Variants in SKI observed in about 807,000 individuals in gnomAD.
SKI encodes ski oncogene.
In SKI, 23 loss-of-function variants were observed where a neutral mutation model predicts 59.3. That is an observed-to-expected ratio of 0.39 (90% CI 0.28 to 0.55). The LOEUF (loss-of-function observed/expected upper bound fraction) is 0.55, where lower values mean the gene tolerates loss of function less well. Among genes scored for constraint, SKI ranks in the 20% least tolerant of loss-of-function variants. The pLI is 0.67. For synonymous variants in SKI, 673 were observed against 488.6 expected (o/e 1.38, Z -4.98); for missense variants, 1,017 against 1,038.9 (o/e 0.98, Z 0.29).
chr1:2,237,951 G>A (rs970757219), intron 1 of SKI, among the ~76,000 whole-genome samples: 2 of 152,220 alleles, frequency 1.3e-5, no homozygotes, highest in African/African-American at 2.4e-5. Flanking sequence ...AACGGGCCTT[G>A]AGAGGCTGAT....
At chr1:2,251,537 C>G (rs772950274) in intron 1 of SKI, among the ~76,000 whole-genome samples, 2 of 152,210 alleles carry the variant, frequency 1.3e-5, no homozygotes, top group Non-Finnish European at 2.9e-5. Flanking sequence ...GTCCTGGTCC[C>G]CAGGTCGTGT....
chr1:2,233,287 T>G, intron 1 of SKI, among the ~76,000 whole-genome samples: 1 of 138,026 alleles, frequency 7.2e-6, no homozygotes, highest in South Asian at 2.5e-4. Flanking sequence ...GGGGCCAGGG[T>G]CCTGTTCTGG....
intron 1 of SKI, among the ~76,000 whole-genome samples, chr1:2,280,305 G>A (rs189025069): frequency 1.3e-5 from 2 of 151,984 alleles, no homozygotes; most frequent in Admixed American, 6.5e-5. Context: ...GACCCCGGGA[G>A]GCGGAGGTTG....
intron 1 of SKI, among the ~76,000 whole-genome samples, chr1:2,235,734 G>A (rs562398643): frequency 6.6e-6 from 1 of 152,336 alleles, no homozygotes; most frequent in African/African-American, 2.4e-5. Flanking sequence ...CAGGACTTGA[G>A]TGTGAATTTT....
chr1:2,261,130 G>A (rs1185309273), intron 1 of SKI, among the ~76,000 whole-genome samples: 3 of 152,194 alleles, frequency 2.0e-5, no homozygotes, highest in Non-Finnish European at 2.9e-5. Context: ...TGTGTATTCA[G>A]TTGATCCACT....
intron 1 of SKI, among the ~76,000 whole-genome samples, chr1:2,294,098 G>C (rs1031432807): frequency 4.6e-5 from 7 of 152,170 alleles, no homozygotes; most frequent in African/African-American, 1.7e-4. Context: ...GAGGGTCTCG[G>C]GGTGGTCCTG....
At chr1:2,275,734 G>A (rs1405970957) in intron 1 of SKI, among the ~76,000 whole-genome samples, 2 of 152,226 alleles carry the variant, frequency 1.3e-5, no homozygotes, top group South Asian at 4.1e-4. Flanking sequence ...GGATGCTCTC[G>A]ATCTCCTGAC....
At position 2,229,597 on chromosome 1, in the gene SKI, C is replaced by G. The variant is rs767136197; in HGVS notation, c.831C>G (p.Asp277Glu). 1.2e-6 allele frequency: 2 copies of G among 1,612,550 alleles called. No individual in the cohort carries two copies. The highest frequency in any genetic ancestry group is 3.3e-5 in the Admixed American group (2 of 60,026). ...LENRTCHWGF[D>E]SANWRAYILL... ...ACCGGACCTGCCACTGGGGCTTCGA[C>G]TCGGCCAACTGGCGGGCCTACATCC... The change falls in exon 1 of 7, where the codon GAC becomes GAG. Residue 277 changes from aspartate to glutamate, a missense_variant. By Grantham distance (45) the Asp-to-Glu change is conservative (BLOSUM62 2). Coordinates refer to ENST00000378536, the MANE Select transcript of SKI (RefSeq NM_003036.4). The surrounding 1 kb of genome is among the most constrained non-coding windows in gnomAD (Gnocchi z 6.3).
intron 1 of SKI, among the ~76,000 whole-genome samples, chr1:2,295,483 A>G (rs577029272): frequency 6.6e-6 from 1 of 152,320 alleles, no homozygotes; most frequent in East Asian, 1.9e-4. Context: ...ATCATCATCT[A>G]AGTTGAGAAC....
intron 1 of SKI, among the ~76,000 whole-genome samples, chr1:2,244,614 T>A (rs1162380062): frequency 6.6e-6 from 1 of 152,170 alleles, no homozygotes; most frequent in Non-Finnish European, 1.5e-5. Flanking sequence ...TTCTGTCATT[T>A]AGAGTGTCTT....
intron 1 of SKI, among the ~76,000 whole-genome samples, chr1:2,273,134 G>T (rs1639665728): frequency 6.6e-6 from 1 of 152,228 alleles, no homozygotes; most frequent in African/African-American, 2.4e-5. Context: ...CAGACCAAGG[G>T]GGTGTTTTCG....
intron 1 of SKI, among the ~76,000 whole-genome samples, chr1:2,240,201 C>A (rs1436641050): frequency 6.6e-6 from 1 of 152,206 alleles, no homozygotes; most frequent in Non-Finnish European, 1.5e-5. Context: ...CCTCCGGGTT[C>A]TTCTCCACTT....
chr1:2,232,970 C>T (rs962647643), intron 1 of SKI, among the ~76,000 whole-genome samples: 1 of 152,316 alleles, frequency 6.6e-6, no homozygotes, highest in South Asian at 2.1e-4. Flanking sequence ...CTCGGGTTCT[C>T]TGATAGCTGT....
chr1:2,284,631 G>C (rs1320067254), intron 1 of SKI, among the ~76,000 whole-genome samples: 2 of 152,206 alleles, frequency 1.3e-5, no homozygotes. Context: ...CGCTGTCCGT[G>C]TGGACCTCCT....
chr1:2,242,339 G>T (rs1199767883), intron 1 of SKI, among the ~76,000 whole-genome samples: 1 of 152,166 alleles, frequency 6.6e-6, no homozygotes, highest in Non-Finnish European at 1.5e-5. Flanking sequence ...TTCTTGGTGG[G>T]TTGGGGGAGA....
At chr1:2,305,370 G>A (rs570385996) in intron 5 of SKI, among the ~76,000 whole-genome samples, 3 of 152,152 alleles carry the variant, frequency 2.0e-5, no homozygotes, top group East Asian at 1.9e-4. Context: ...CAGCTTCCGC[G>A]GCGTGGGCTT....
At chr1:2,280,473 G>A (rs959836070) in intron 1 of SKI, among the ~76,000 whole-genome samples, 2 of 152,102 alleles carry the variant, frequency 1.3e-5, no homozygotes, top group Admixed American at 6.5e-5. Flanking sequence ...TGCAGTGACC[G>A]GACATTAAAA....
At chr1:2,275,650 C>CT (rs1445452436) in intron 1 of SKI, among the ~76,000 whole-genome samples, 1 of 152,276 alleles carries the variant, frequency 6.6e-6, no homozygotes, top group East Asian at 1.9e-4. Context: ...GTAGCTGGGA[C>CT]TACAGGCGTG....
At position 2,296,825 on chromosome 1, in the gene SKI, G is replaced by A. The variant is rs531546119; in HGVS notation, c.970-6153G>A. 1.2e-4 allele frequency among the ~76,000 whole-genome samples: 18 copies of A among 152,242 alleles called. No individual in the cohort carries two copies. The East Asian group carries it at 3.5e-3, about 29-fold the overall frequency. On this transcript the variant is annotated intron_variant, in intron 1 of 6. Transcript: ENST00000378536. The stretch of plus-strand genomic sequence containing the variant: ...GGGGGCGGGAGTCTGGACTGAGGCC[G>A]CCACGTTCCTGCTGTGAAAACCTTC...
Sources: gnomAD v4.1 joint callset for allele counts (sites outside exome capture counted in the v4.1 genomes callset) on GRCh38, gnomAD v4.1.1 for gene constraint, Gnocchi (gnomAD v3.1) non-coding constraint, MANE v1.5 for transcripts, NCBI Gene and HGNC (gene_info 2026-07-23, HGNC 2026-07-21) for gene names.